NLGN1: variants seen among roughly 807,000 people sequenced by gnomAD.
NLGN1 encodes the protein neuroligin-1.
Under a neutral mutation model 65.5 loss-of-function variants are expected in NLGN1, and 12 were observed. That is an observed-to-expected ratio of 0.18 (90% CI 0.12 to 0.30). NLGN1 has a LOEUF of 0.30. NLGN1 is among the 10% of genes least tolerant of loss of function. The probability of loss-of-function intolerance (pLI) is 1.00; values close to 1 mark genes in which losing one functional copy is unlikely to be tolerated. For synonymous variants in NLGN1, 350 were observed against 359.5 expected (o/e 0.97, Z 0.30); for missense variants, 750 against 1,007.1 (o/e 0.74, Z 3.46).
rs576416695 is a variant in NLGN1, at chr3:173,775,480, T to C, written c.494-32200T>C. ...TTAACCTTTCTGATGCTTTTTTTTT[T>C]CCCACCATACGATTGGGATCATGCC... On this transcript the variant is annotated intron_variant, in intron 3 of 6. Transcript: ENST00000457714. 8.5e-5 allele frequency among the ~76,000 whole-genome samples: 13 copies of C among 152,160 alleles called. No individual in the cohort carries two copies. The South Asian group carries it at 2.1e-3, about 24-fold the overall frequency.
chr3:174,007,262 A>AT (rs1724626955), intron 4 of NLGN1, among the ~76,000 whole-genome samples: 2 of 152,156 alleles, frequency 1.3e-5, no homozygotes, highest in South Asian at 2.1e-4. Context: ...GAGAAAATAC[A>AT]TTTTTTGTTG....
chr3:173,702,982 T>A (rs2149893308), intron 3 of NLGN1, among the ~76,000 whole-genome samples: 1 of 152,330 alleles, frequency 6.6e-6, no homozygotes, highest in Admixed American at 6.5e-5. Context: ...GAAAATGAGA[T>A]CTTCCCTAGC....
chr3:173,468,603 A>G (rs1196252888), intron 2 of NLGN1, among the ~76,000 whole-genome samples: 1 of 152,078 alleles, frequency 6.6e-6, no homozygotes, highest in African/African-American at 2.4e-5. Context: ...CATTATCCTC[A>G]TATGATGAAT....
chr3:174,005,575 A>G (rs146407623), intron 4 of NLGN1, among the ~76,000 whole-genome samples: 3 of 152,214 alleles, frequency 2.0e-5, no homozygotes, highest in African/African-American at 7.2e-5. Flanking sequence ...AGTACTCAGC[A>G]TAAGCCCTCT....
At chr3:173,534,227 T>A (rs55633485) in intron 2 of NLGN1, among the ~76,000 whole-genome samples, 6,099 of 152,292 alleles carry the variant, frequency 0.04, 146 homozygotes, top group Non-Finnish European at 0.064. Context: ...GGTGGCCACA[T>A]AAACAACATA....
At chr3:173,727,672 GTA>G (rs999616192) in intron 3 of NLGN1, among the ~76,000 whole-genome samples, 1 of 151,782 alleles carries the variant, frequency 6.6e-6, no homozygotes, top group Admixed American at 6.6e-5. Context: ...CAGTCCACAA[GTA>G]TATATATATA....
intron 3 of NLGN1, among the ~76,000 whole-genome samples, chr3:173,662,169 A>C (rs1761020257): frequency 6.6e-6 from 1 of 152,012 alleles, no homozygotes; most frequent in Non-Finnish European, 1.5e-5. Flanking sequence ...ACAAGCATTG[A>C]TGACAAAGAA....
chr3:174,234,158 A>C (rs1741226590), intron 4 of NLGN1, among the ~76,000 whole-genome samples: 1 of 152,110 alleles, frequency 6.6e-6, no homozygotes, highest in African/African-American at 2.4e-5. Context: ...AACTGAGGCA[A>C]GTTTTAGAGT....
chr3:174,177,931 G>T (rs1313300598), intron 4 of NLGN1, among the ~76,000 whole-genome samples: 1 of 152,060 alleles, frequency 6.6e-6, no homozygotes. Flanking sequence ...GAAGGCAGAA[G>T]AGTGAAGTGA....
intron 4 of NLGN1, among the ~76,000 whole-genome samples, chr3:173,808,085 G>A (rs545372807): frequency 6.6e-6 from 1 of 152,092 alleles, no homozygotes; most frequent in Admixed American, 6.6e-5. Context: ...AGACAAAATG[G>A]CAGGGCCTTA....
intron 3 of NLGN1, among the ~76,000 whole-genome samples, chr3:173,606,704 T>C (rs905144302): frequency 1.4e-4 from 22 of 152,006 alleles, no homozygotes; most frequent in African/African-American, 5.1e-4. Flanking sequence ...TGAGGGTTTT[T>C]TTGTTTGCTT....
chr3:174,197,537 AG>A lies in NLGN1; in HGVS notation c.647-77776del, dbSNP rs1553960494. On this transcript the variant is annotated intron_variant, in intron 4 of 6. Coordinates refer to ENST00000457714, the Ensembl canonical transcript of NLGN1. ...TAACCTCAAAAAAAAAAAAAAAAAAAGGAGAATCCAGTTAGCCTGGCTTGGG... is the reference window on the plus strand; with the variant it reads ...TAACCTCAAAAAAAAAAAAAAAAAAAGAGAATCCAGTTAGCCTGGCTTGGG... Among the ~76,000 whole-genome samples, 11 of 149,736 alleles carry A rather than the reference AG, an allele frequency of 7.3e-5. 1 individual carries two copies. The highest frequency in any genetic ancestry group is 1.5e-4 in the African/African-American group (6 of 40,752).
At chr3:173,756,809 A>G (rs1777204183) in intron 3 of NLGN1, among the ~76,000 whole-genome samples, 1 of 151,646 alleles carries the variant, frequency 6.6e-6, no homozygotes, top group Non-Finnish European at 1.5e-5. Flanking sequence ...TATATAAAAC[A>G]AAAACCTACG....
intron 3 of NLGN1, among the ~76,000 whole-genome samples, chr3:173,657,449 GTCCC>G (rs540057584): frequency 5.3e-5 from 8 of 151,866 alleles, no homozygotes; most frequent in Non-Finnish European, 5.9e-5. Context: ...CATTTTCTCT[GTCCC>G]TCCTGCCCCC....
At chr3:173,395,989 G>C (rs2148582967), upstream of NLGN1, among the ~76,000 whole-genome samples, 1 of 152,262 alleles carries the variant, frequency 6.6e-6, no homozygotes, top group East Asian at 1.9e-4. Context: ...AGTGAGGGGA[G>C]AGGGAGAGAG....
Position 174,279,898 on chromosome 3 carries a change from G to A in NLGN1, c.1649+248G>A, listed in dbSNP as rs1445844555. 6.6e-6 allele frequency among the ~76,000 whole-genome samples: 1 copy of A among 151,844 alleles called. No homozygotes were observed. Among genetic ancestry groups the A allele is most frequent in the African/African-American group, 2.4e-5 (1 of 41,374 alleles). ...CATTACTTAATTACATCTGCTTTTG[G>A]TTTTTGAATTATACAAGACTTGTTA... is the stretch of plus-strand genomic sequence containing the variant. On this transcript the variant is annotated intron_variant, in intron 6 of 6. Transcript: ENST00000457714. This position sits in a 1 kb window ranked among gnomAD's most constrained non-coding sequence, Gnocchi z 4.7.
At position 173,543,681 on chromosome 3, in the gene NLGN1, T is replaced by C. The variant is rs910287414; in HGVS notation, c.-320-60598T>C. 2.0e-5 allele frequency among the ~76,000 whole-genome samples: 3 copies of C among 152,144 alleles called. No homozygotes were observed. The East Asian group carries it at 5.8e-4, about 29-fold the overall frequency. On this transcript the variant is annotated intron_variant, in intron 2 of 6. Coordinates refer to ENST00000457714, the Ensembl canonical transcript of NLGN1. ...CTTGGATTTTTAAAAATAAAACTTC[T>C]ATAGGATTGATAATGATTCTTTTAT...
intron 4 of NLGN1, among the ~76,000 whole-genome samples, chr3:173,863,503 A>T (rs1362033749): frequency 6.6e-6 from 1 of 152,196 alleles, no homozygotes; most frequent in Non-Finnish European, 1.5e-5. Flanking sequence ...ATATAATGGC[A>T]TTTACTTCCT....
At chr3:173,473,622 C>CT (rs1416806853) in intron 2 of NLGN1, among the ~76,000 whole-genome samples, 2 of 152,140 alleles carry the variant, frequency 1.3e-5, no homozygotes, top group African/African-American at 2.4e-5. Context: ...AAAACTCTTT[C>CT]TTTTTTCACC....
Sources: gnomAD v4.1 joint callset for allele counts (sites outside exome capture counted in the v4.1 genomes callset) on GRCh38, gnomAD v4.1.1 for gene constraint, Gnocchi (gnomAD v3.1) non-coding constraint, MANE v1.5 for transcripts, NCBI Gene and HGNC (gene_info 2026-07-23, HGNC 2026-07-21) for gene names.